The following ADGRL2 variants were observed in gnomAD, a reference collection of about 807,000 sequenced individuals.
ADGRL2 encodes adhesion G protein-coupled receptor L2, also known as calcium-independent alpha-latrotoxin receptor 2.
Under a neutral mutation model 157.4 loss-of-function variants are expected in ADGRL2, and 44 were observed. That is an observed-to-expected ratio of 0.28 (90% CI 0.22 to 0.36). The LOEUF is 0.36. ADGRL2 is among the 10% of genes least tolerant of loss of function. The pLI, the probability that ADGRL2 is intolerant of heterozygous loss-of-function variation, is 1.00. For synonymous variants in ADGRL2, 585 were observed against 624.7 expected (o/e 0.94, Z 0.95); for missense variants, 1,510 against 1,768.9 (o/e 0.85, Z 2.63).
intron 1 of ADGRL2, among the ~76,000 whole-genome samples, chr1:81,751,826 G>GA (rs755023197): frequency 2.9e-4 from 44 of 152,026 alleles, no homozygotes; most frequent in African/African-American, 9.4e-4. Flanking sequence ...AAATAATTCT[G>GA]AAAAAATGTT....
intron 2 of ADGRL2, among the ~76,000 whole-genome samples, chr1:81,851,942 T>G (rs1028075743): frequency 6.6e-6 from 1 of 151,892 alleles, no homozygotes; most frequent in African/African-American, 2.4e-5. Context: ...TATATTAATT[T>G]TGAAGAGGAA....
In ADGRL2 at chr1:81,970,414, A is replaced by T. The variant is rs1325353849; in HGVS notation, c.2834A>T (p.Glu945Val). The T allele has an allele frequency of 2.6e-6, 4 of 1,561,230 alleles. No homozygotes were observed. The highest frequency in any genetic ancestry group is 3.4e-6 in the Non-Finnish European group (4 of 1,160,070). ...EGVQLYLMLV[E>V]VFESEYSRKK... ...GTGCAGCTCTACCTAATGTTAGTTGAAGTTTTTGAAAGTGAATATTCAAGG... is the reference window on the plus strand; with the variant it reads ...GTGCAGCTCTACCTAATGTTAGTTGTAGTTTTTGAAAGTGAATATTCAAGG... The change falls in exon 16 of 24, where the codon GAA (glutamate) becomes GTA (valine). Residue 945 changes from glutamate (E) to valine (V), a missense_variant. Glu to Val is a moderately radical substitution (Grantham distance 121, BLOSUM62 -2). This residue lies in a region of ADGRL2 where 497 missense variants were observed against 627.2 expected (regional missense o/e 0.79). Transcript: ENST00000686636.
At chr1:81,883,339 G>C (rs549623657) in intron 2 of ADGRL2, among the ~76,000 whole-genome samples, 3 of 152,124 alleles carry the variant, frequency 2.0e-5, no homozygotes, top group Non-Finnish European at 2.9e-5. Flanking sequence ...AGCATTCAGC[G>C]TAAATGTCAA....
At chr1:81,884,946 G>C (rs1322494650) in intron 2 of ADGRL2, among the ~76,000 whole-genome samples, 2 of 151,918 alleles carry the variant, frequency 1.3e-5, no homozygotes, top group Non-Finnish European at 2.9e-5. Flanking sequence ...ATGAACTGAA[G>C]GAGGACTTTT....
At chr1:81,519,305 A>G (rs2079255602) in intron 2 of ADGRL2, among the ~76,000 whole-genome samples, 1 of 152,186 alleles carries the variant, frequency 6.6e-6, no homozygotes, top group Non-Finnish European at 1.5e-5. Flanking sequence ...TATCCAGTAT[A>G]CTTGCCTGGG....
chr1:81,339,185 T>C (rs1661875906), intron 1 of ADGRL2, among the ~76,000 whole-genome samples: 1 of 152,204 alleles, frequency 6.6e-6, no homozygotes. Flanking sequence ...TTTTGTTCCA[T>C]CTTTGCAACA....
At chr1:81,982,803 A>C (rs960700591) in intron 19 of ADGRL2, among the ~76,000 whole-genome samples, 1 of 152,012 alleles carries the variant, frequency 6.6e-6, no homozygotes, top group African/African-American at 2.4e-5. Flanking sequence ...ACTGACAGAT[A>C]ATGTATATTC....
At chr1:81,813,500 TTA>T (rs1203878004) in intron 1 of ADGRL2, among the ~76,000 whole-genome samples, 2 of 151,642 alleles carry the variant, frequency 1.3e-5, no homozygotes, top group African/African-American at 4.8e-5. Context: ...ATGGGCTTTT[TTA>T]TAAGTAGTAT....
chr1:81,655,117 A>AC (rs1248856040), intron 3 of ADGRL2, among the ~76,000 whole-genome samples: 1 of 152,058 alleles, frequency 6.6e-6, no homozygotes, highest in Non-Finnish European at 1.5e-5. Context: ...TCTGGCCTCA[A>AC]CCTTCCAAGT....
At chr1:81,912,775 T>C (rs1425074392) in intron 3 of ADGRL2, among the ~76,000 whole-genome samples, 1 of 152,178 alleles carries the variant, frequency 6.6e-6, no homozygotes, top group Non-Finnish European at 1.5e-5. Context: ...ATTTTTATTC[T>C]ATTTTGACAG....
At chr1:81,554,500 A>T (rs1487386369) in intron 2 of ADGRL2, among the ~76,000 whole-genome samples, 1 of 152,094 alleles carries the variant, frequency 6.6e-6, no homozygotes, top group Non-Finnish European at 1.5e-5. Context: ...TTGGCAAAAA[A>T]AAATTTTTGA....
At chr1:81,769,082 C>CAA (rs61064275) in intron 2 of ADGRL2, among the ~76,000 whole-genome samples, 2 of 149,364 alleles carry the variant, frequency 1.3e-5, no homozygotes, top group East Asian at 2.0e-4. Context: ...GACTCCATCT[C>CAA]AAAAAAAAAA....
In ADGRL2 at chr1:81,567,987, C is replaced by G. The variant is rs79355035; in HGVS notation, c.-247-12889C>G. 4.7e-3 allele frequency among the ~76,000 whole-genome samples: 710 copies of G among 151,700 alleles called. 9 individuals carry two copies. Among genetic ancestry groups the G allele is most frequent in the African/African-American group, 0.017 (689 of 41,430 alleles). ...TTACATGTATTGCATTACTGTAATA[C>G]TTTTTTTTAAGTCTGCTTGCCCAGT... On this transcript the variant is annotated intron_variant, in intron 2 of 24. Transcript: ENST00000370721.
At chr1:81,914,602 A>G (rs1346000543) in intron 3 of ADGRL2, among the ~76,000 whole-genome samples, 1 of 152,156 alleles carries the variant, frequency 6.6e-6, no homozygotes, top group East Asian at 1.9e-4. Flanking sequence ...CCACTTGTCC[A>G]TTAGGGTAAA....
chr1:81,891,632 C>T (rs1213175200), intron 2 of ADGRL2, among the ~76,000 whole-genome samples: 1 of 152,054 alleles, frequency 6.6e-6, no homozygotes, highest in South Asian at 2.1e-4. Context: ...TTCTTACCTA[C>T]TTTGAAATTG....
intron 1 of ADGRL2, among the ~76,000 whole-genome samples, chr1:81,311,458 G>A (rs929281267): frequency 6.6e-6 from 1 of 151,994 alleles, no homozygotes; most frequent in South Asian, 2.1e-4. Context: ...CCAGTAGTTT[G>A]TAAACTACTT....
At chr1:81,596,066 C>T (rs922802560) in intron 3 of ADGRL2, 1 of 334,790 alleles carries the variant, frequency 3.0e-6, no homozygotes, top group Non-Finnish European at 5.8e-6. Context: ...TACTGAAAGT[C>T]TCACCTTCTA....
At chr1:81,330,420 G>A (rs935724649) in intron 1 of ADGRL2, among the ~76,000 whole-genome samples, 12 of 152,044 alleles carry the variant, frequency 7.9e-5, no homozygotes, top group African/African-American at 2.9e-4. Context: ...CACTTCCTTG[G>A]GGAATGTTCT....
intron 1 of ADGRL2, among the ~76,000 whole-genome samples, chr1:81,757,282 T>C (rs2085724790): frequency 6.6e-6 from 1 of 152,194 alleles, no homozygotes; most frequent in Non-Finnish European, 1.5e-5. Flanking sequence ...TAACATCCCA[T>C]ATTCTTTAAT....
Sources: gnomAD v4.1 joint callset for allele counts (sites outside exome capture counted in the v4.1 genomes callset) on GRCh38, gnomAD v4.1.1 for gene constraint, gnomAD v4.1.1 regional missense constraint, MANE v1.5 for transcripts, NCBI Gene and HGNC (gene_info 2026-07-23, HGNC 2026-07-21) for gene names.